Variants in COL10A1 observed in about 807,000 individuals in gnomAD.
COL10A1 encodes the protein collagen alpha-1(X) chain.
COL10A1 carries 10 observed loss-of-function variants against 18.2 expected under a neutral mutation model. The ratio of observed to expected loss-of-function variants is 0.55; its 90% confidence interval spans 0.34 to 0.93. The LOEUF is 0.93. COL10A1 is among the 40% of genes least tolerant of loss of function. The pLI is 0.02. For missense variants in COL10A1, 897 were observed against 853.5 expected, an observed-to-expected ratio of 1.05 and a Z score of -0.64; for synonymous variants, 330 against 316.6, an observed-to-expected ratio of 1.04 and a Z score of -0.45.
chr6:116,156,505 C>A (rs977098638), intron 1 of COL10A1, among the ~76,000 whole-genome samples: 4 of 152,078 alleles, frequency 2.6e-5, no homozygotes, highest in Non-Finnish European at 5.9e-5. Context: ...AAAAGGAATG[C>A]GTCTTAAGGA....
rs1562125157 is a variant in COL10A1, at chr6:116,121,858, TC to T, written c.257del (p.Gly86GlufsTer20). 6.2e-7 allele frequency: 1 copy of T among 1,613,880 alleles called. No individual in the cohort carries two copies. Among genetic ancestry groups the T allele is most frequent in the African/African-American group, 1.3e-5 (1 of 74,954 alleles). On this transcript the variant is annotated frameshift_variant, in exon 3 of 3. Coordinates refer to ENST00000651968, the MANE Select transcript of COL10A1 (RefSeq NM_000493.4). LOFTEE classifies it low-confidence loss of function (END_TRUNC). ...PSGPPGKPGY[G>X]SPGLQGEPGL... Reference sequence around the variant, plus strand: ...CTGGCTCTCCTTGGAGTCCAGGACTTCCGTAGCCTGGTTTTCCTGGTGGTCC... The same window carrying T: ...CTGGCTCTCCTTGGAGTCCAGGACTTCGTAGCCTGGTTTTCCTGGTGGTCC...
the COL10A1 span, among the ~76,000 whole-genome samples, chr6:116,176,020 A>G: frequency 6.6e-6 from 1 of 152,114 alleles, no homozygotes; most frequent in African/African-American, 2.4e-5. Context: ...ACATTGTGTG[A>G]ACATTAGGCA....
intron 1 of COL10A1, among the ~76,000 whole-genome samples, chr6:116,141,432 G>A (rs1366776017): frequency 6.6e-6 from 1 of 151,924 alleles, no homozygotes; most frequent in African/African-American, 2.4e-5. Context: ...AGACTCCATT[G>A]TTCAAAATAA....
Position 116,121,856 on chromosome 6 carries a change from C to T in COL10A1, c.260G>A (p.Ser87Asn), listed in dbSNP as rs1028743217. The T allele has an allele frequency of 1.2e-6, 2 of 1,613,924 alleles. No homozygotes were observed. The highest frequency in any genetic ancestry group is 2.2e-5 in the South Asian group (2 of 91,050). The change falls in exon 3 of 3, where the codon AGT becomes AAT. Residue 87 changes from serine (S) to asparagine (N), a missense_variant. By Grantham distance (46) the Ser-to-Asn change is conservative. Transcript: ENST00000651968. ...SGPPGKPGYG[S>N]PGLQGEPGLP... is the part of the protein sequence containing the mutation. ...CCCTGGCTCTCCTTGGAGTCCAGGA[C>T]TTCCGTAGCCTGGTTTTCCTGGTGG...
At chr6:116,135,106 A>G (rs1215322612) in intron 1 of COL10A1, among the ~76,000 whole-genome samples, 2 of 152,184 alleles carry the variant, frequency 1.3e-5, no homozygotes, top group African/African-American at 2.4e-5. Flanking sequence ...AAAATATATT[A>G]TATGCCAGGA....
At chr6:116,202,041 A>G in the COL10A1 span, among the ~76,000 whole-genome samples, 1 of 152,004 alleles carries the variant, frequency 6.6e-6, no homozygotes, top group Non-Finnish European at 1.5e-5. Context: ...CCAGTGTGGT[A>G]GCCATTAACC....
the COL10A1 span, among the ~76,000 whole-genome samples, chr6:116,177,402 A>C: frequency 6.6e-6 from 1 of 152,160 alleles, no homozygotes; most frequent in Non-Finnish European, 1.5e-5. Flanking sequence ...ATTGAAACTC[A>C]CCACTCTAAA....
chr6:116,124,722 A>C (rs1018197604), intron 2 of COL10A1, among the ~76,000 whole-genome samples: 1 of 152,230 alleles, frequency 6.6e-6, no homozygotes, highest in African/African-American at 2.4e-5. Context: ...CTCAGGTCAC[A>C]CAGCTTATGC....
At chr6:116,172,317 CTT>C in the COL10A1 span, among the ~76,000 whole-genome samples, 2,762 of 107,906 alleles carry the variant, frequency 0.026, 44 homozygotes, top group African/African-American at 0.093. Context: ...CCCTTAGTAA[CTT>C]TTTTTTTTTT....
chr6:116,153,813 G>C (rs1780112730), intron 1 of COL10A1, among the ~76,000 whole-genome samples: 1 of 152,070 alleles, frequency 6.6e-6, no homozygotes, highest in Non-Finnish European at 1.5e-5. Flanking sequence ...GATAAACTGA[G>C]TATTGTTTCC....
At chr6:116,181,330 A>T in the COL10A1 span, among the ~76,000 whole-genome samples, 1 of 152,080 alleles carries the variant, frequency 6.6e-6, no homozygotes, top group Admixed American at 6.6e-5. Context: ...CAGAAATATT[A>T]GCAAATTCAG....
At chr6:116,210,925 C>G in the COL10A1 span, among the ~76,000 whole-genome samples, 1 of 151,958 alleles carries the variant, frequency 6.6e-6, no homozygotes, top group Non-Finnish European at 1.5e-5. Flanking sequence ...AAAGATAGCT[C>G]TCTAATGAAT....
chr6:116,188,486 A>G, the COL10A1 span, among the ~76,000 whole-genome samples: 1 of 152,074 alleles, frequency 6.6e-6, no homozygotes, highest in Non-Finnish European at 1.5e-5. Flanking sequence ...TATGAACAAC[A>G]TGAATGAATC....
At chr6:116,202,360 A>C in the COL10A1 span, among the ~76,000 whole-genome samples, 1 of 152,026 alleles carries the variant, frequency 6.6e-6, no homozygotes, top group East Asian at 1.9e-4. Flanking sequence ...TTAAATCTAA[A>C]GCTGTAAGTT....
At chr6:116,127,864 A>G (rs1779361693), upstream of COL10A1, among the ~76,000 whole-genome samples, 1 of 152,176 alleles carries the variant, frequency 6.6e-6, no homozygotes, top group Admixed American at 6.5e-5. Context: ...GCCCCTGTGT[A>G]TACCATTTGT....
At chr6:116,141,150 T>G (rs1472984948) in intron 1 of COL10A1, among the ~76,000 whole-genome samples, 1 of 152,182 alleles carries the variant, frequency 6.6e-6, no homozygotes, top group Non-Finnish European at 1.5e-5. Flanking sequence ...TTTTATTGTA[T>G]TTGTATGATA....
chr6:116,209,118 T>C, the COL10A1 span, among the ~76,000 whole-genome samples: 4 of 152,046 alleles, frequency 2.6e-5, no homozygotes, highest in Non-Finnish European at 5.9e-5. Context: ...ATATAACTAA[T>C]TGTATTTTTA....
chr6:116,153,609 T>C (rs1429654119), intron 1 of COL10A1, among the ~76,000 whole-genome samples: 1 of 152,166 alleles, frequency 6.6e-6, no homozygotes, highest in East Asian at 1.9e-4. Flanking sequence ...TTACCTCTAT[T>C]AGGTACCTAG....
At chr6:116,128,450 A>G (rs980109656), upstream of COL10A1, among the ~76,000 whole-genome samples, 10 of 152,112 alleles carry the variant, frequency 6.6e-5, no homozygotes, top group African/African-American at 2.2e-4. Flanking sequence ...CACTCAAAAC[A>G]GAGAGCCATA....
Sources: gnomAD v4.1 joint callset for allele counts (sites outside exome capture counted in the v4.1 genomes callset) on GRCh38, gnomAD v4.1.1 for gene constraint, MANE v1.5 for transcripts, NCBI Gene and HGNC (gene_info 2026-07-23, HGNC 2026-07-21) for gene names.